MAML2: variants seen among roughly 807,000 people sequenced by gnomAD.
The protein encoded by MAML2 is mastermind-like protein 2.
Under a neutral mutation model 96.1 loss-of-function variants are expected in MAML2, and 22 were observed. The ratio of observed to expected loss-of-function variants is 0.23; its 90% CI spans 0.16 to 0.33. The LOEUF (loss-of-function observed/expected upper bound fraction) is 0.33. MAML2 is among the 10% of genes least tolerant of loss of function. The pLI, the probability that MAML2 is intolerant of heterozygous loss-of-function variation, is 1.00. For missense variants in MAML2, 1,367 were observed against 1,392.4 expected (o/e 0.98, Z 0.29); for synonymous variants, 561 against 521.3 (o/e 1.08, Z -1.04).
At chr11:96,141,786 C>T (rs762414103) in intron 1 of MAML2, among the ~76,000 whole-genome samples, 5 of 152,224 alleles carry the variant, frequency 3.3e-5, no homozygotes, top group Non-Finnish European at 5.9e-5. Flanking sequence ...AGGGGAGCAC[C>T]GTCAGCTTGA....
intron 1 of MAML2, among the ~76,000 whole-genome samples, chr11:96,176,348 G>A (rs895319631): frequency 6.6e-6 from 1 of 152,162 alleles, no homozygotes; most frequent in African/African-American, 2.4e-5. Context: ...AATGCTTACT[G>A]TAATATGCTA....
chr11:96,141,480 C>A (rs1860729497), intron 1 of MAML2, among the ~76,000 whole-genome samples: 1 of 152,020 alleles, frequency 6.6e-6, no homozygotes, highest in South Asian at 2.1e-4. Flanking sequence ...GAGAACAGGG[C>A]ATATTTAGGT....
intron 1 of MAML2, among the ~76,000 whole-genome samples, chr11:96,181,535 C>A (rs975909067): frequency 6.6e-6 from 1 of 152,160 alleles, no homozygotes; most frequent in East Asian, 1.9e-4. Context: ...CCTTTACTTT[C>A]TTTTCTCCTT....
intron 2 of MAML2, among the ~76,000 whole-genome samples, chr11:96,005,272 C>T (rs1467168237): frequency 6.6e-6 from 1 of 152,096 alleles, no homozygotes; most frequent in Non-Finnish European, 1.5e-5. Flanking sequence ...CTTCTTATCA[C>T]GTATACTGAC....
chr11:96,029,282 C>T (rs1219928236), intron 2 of MAML2, among the ~76,000 whole-genome samples: 1 of 151,438 alleles, frequency 6.6e-6, no homozygotes, highest in African/African-American at 2.4e-5. Context: ...AACTGGTGCT[C>T]ATCTTGTTTG....
At chr11:96,260,752 C>G (rs997654629) in intron 1 of MAML2, among the ~76,000 whole-genome samples, 1 of 150,754 alleles carries the variant, frequency 6.6e-6, no homozygotes, top group Non-Finnish European at 1.5e-5. Flanking sequence ...TTTGTAATCA[C>G]TTTATTTCTT....
intron 1 of MAML2, among the ~76,000 whole-genome samples, chr11:96,252,614 C>T (rs554677334): frequency 4.0e-5 from 6 of 151,876 alleles, no homozygotes; most frequent in Admixed American, 1.3e-4. Flanking sequence ...TTAGTAGAGA[C>T]GGGGTTTCAC....
chr11:96,078,388 T>C (rs1190014053), intron 2 of MAML2, among the ~76,000 whole-genome samples: 1 of 152,264 alleles, frequency 6.6e-6, no homozygotes, highest in African/African-American at 2.4e-5. Flanking sequence ...AAACAGACTT[T>C]GGATAGGCTA....
intron 1 of MAML2, among the ~76,000 whole-genome samples, chr11:96,199,718 C>T (rs1020724052): frequency 2.0e-5 from 3 of 152,128 alleles, no homozygotes; most frequent in East Asian, 1.9e-4. Flanking sequence ...CCGTGATGTA[C>T]GCAGTCTCGC....
At chr11:96,255,139 T>C (rs1591098750) in intron 1 of MAML2, among the ~76,000 whole-genome samples, 1 of 152,222 alleles carries the variant, frequency 6.6e-6, no homozygotes, top group South Asian at 2.1e-4. Context: ...CTGAGGGCTC[T>C]TTTGAAAACA....
At chr11:96,132,196 A>T (rs1298147873) in intron 1 of MAML2, among the ~76,000 whole-genome samples, 2 of 152,254 alleles carry the variant, frequency 1.3e-5, no homozygotes, top group Non-Finnish European at 2.9e-5. Context: ...GCCTATGAGC[A>T]GGAAATTAGG....
rs144817661 is a variant in MAML2 at position 96,269,886 on chromosome 11, G to A, written c.513+71497C>T. ...CCACTCCTTCTAGTACCCTCTGGGA[G>A]TTTCTATCCCCTTGACCTCTAAACG... On this transcript the variant is annotated intron_variant, in intron 1 of 4. Transcript: ENST00000524717. Among the ~76,000 whole-genome samples the A allele has an allele frequency of 1.1e-3, 152 of 144,182 alleles. 17 individuals are homozygous for A. In the East Asian group the frequency reaches 0.027, roughly 25 times the overall value. The allele number at this position is 144,182 out of a possible 152,430, so 94.6% of individuals were successfully genotyped here.
Position 96,109,416 on chromosome 11 carries a change from G to A in MAML2, c.514-15899C>T, listed in dbSNP as rs554564494. On this transcript the variant is annotated intron_variant, in intron 1 of 4. Transcript: ENST00000524717. ...ATAACTCTAACTACCAAATATTTGC[G>A]TGTGGGTGGGAGATAGGATAGCTTA... is the stretch of plus-strand genomic sequence containing the variant. Among the ~76,000 whole-genome samples, 64 of 152,282 alleles carry A rather than the reference G, an allele frequency of 4.2e-4. No homozygotes were observed. The South Asian group carries it at 4.8e-3, about 11-fold the overall frequency.
intron 1 of MAML2, among the ~76,000 whole-genome samples, chr11:96,227,458 A>T (rs1245450862): frequency 6.6e-6 from 1 of 152,194 alleles, no homozygotes; most frequent in African/African-American, 2.4e-5. Flanking sequence ...GTTTCAGCCC[A>T]GTGCCTGGCA....
At position 96,228,033 on chromosome 11, in the gene MAML2, C is replaced by T. The variant is rs537005200; in HGVS notation, c.513+113350G>A. Among the ~76,000 whole-genome samples, 16 of 152,298 alleles carry T rather than the reference C, an allele frequency of 1.1e-4. No individual in the cohort carries two copies. The South Asian group carries it at 3.1e-3, about 30-fold the overall frequency. On this transcript the variant is annotated intron_variant, in intron 1 of 4. Coordinates refer to ENST00000524717, the MANE Select transcript of MAML2 (RefSeq NM_032427.4). ...GGAAGGATCACTTGAACCTGGGAGG[C>T]TGAGCCTGGAGTGAGCTGAAACAGT...
chr11:96,308,442 G>A (rs1358779901), intron 1 of MAML2, among the ~76,000 whole-genome samples: 1 of 152,148 alleles, frequency 6.6e-6, no homozygotes, highest in Non-Finnish European at 1.5e-5. Context: ...CATAATTACA[G>A]TATTACTGGA....
intron 2 of MAML2, among the ~76,000 whole-genome samples, chr11:96,087,921 C>T (rs1318814372): frequency 6.6e-6 from 1 of 152,168 alleles, no homozygotes; most frequent in Non-Finnish European, 1.5e-5. Flanking sequence ...TCTTCTCTGG[C>T]CCTTTCATTG....
chr11:96,053,061 C>G (rs1859011602), intron 2 of MAML2, among the ~76,000 whole-genome samples: 1 of 152,228 alleles, frequency 6.6e-6, no homozygotes, highest in South Asian at 2.1e-4. Flanking sequence ...CATTATGAAG[C>G]AGGTACTGTA....
Position 96,184,757 on chromosome 11 carries a change from T to G in MAML2, c.514-91240A>C, listed in dbSNP as rs887819129. On this transcript the variant is annotated intron_variant, in intron 1 of 4. Transcript: ENST00000524717. ...GGCGCCCACCGCCACACCTGTCTAA[T>G]TTTTTGTATTCTTAGTAGAGACGGG... Among the ~76,000 whole-genome samples the G allele has an allele frequency of 7.9e-5, 12 of 152,046 alleles. No homozygotes were observed. In the South Asian group the frequency reaches 2.3e-3, roughly 29 times the overall value.
Sources: gnomAD v4.1 joint callset for allele counts (sites outside exome capture counted in the v4.1 genomes callset) on GRCh38, gnomAD v4.1.1 for gene constraint, MANE v1.5 for transcripts, NCBI Gene and HGNC (gene_info 2026-07-23, HGNC 2026-07-21) for gene names.